Variants in SYT1 observed in about 807,000 individuals in gnomAD.
SYT1 encodes the protein synaptotagmin-1.
A neutral mutation model predicts 44.8 loss-of-function variants in SYT1; 8 were observed. The observed-to-expected ratio is 0.18, with a 90% CI of 0.10 to 0.32. SYT1 has a LOEUF of 0.32. Ranked by LOEUF, SYT1 falls within the 10% of genes least tolerant of loss-of-function variation. The pLI is 1.00. For missense variants in SYT1, 286 were observed against 509.3 expected (o/e 0.56, Z 4.22); for synonymous variants, 154 against 188.8 (o/e 0.82, Z 1.51).
intron 9 of SYT1, among the ~76,000 whole-genome samples, chr12:79,358,243 A>G (rs1357938164): frequency 6.6e-6 from 1 of 152,210 alleles, no homozygotes; most frequent in African/African-American, 2.4e-5. Context: ...CCGTTTAAAG[A>G]AGGAAACACT....
At chr12:79,147,560 T>A (rs541418193) in intron 3 of SYT1, among the ~76,000 whole-genome samples, 11 of 152,330 alleles carry the variant, frequency 7.2e-5, no homozygotes, top group African/African-American at 2.4e-4. Flanking sequence ...TTAAGTAGGC[T>A]TTGTGAGGTT....
Position 78,997,803 on chromosome 12 carries a change from C to T in SYT1, c.-84+19872C>T, listed in dbSNP as rs149408303. ...TCTAGCAGAGAACACTGCTGTTAAA[C>T]GAGGTATCCCCTCACCCAGCAGCCT... On this transcript the variant is annotated intron_variant, in intron 2 of 10. Transcript: ENST00000261205. 2.0e-3 allele frequency among the ~76,000 whole-genome samples: 306 copies of T among 152,086 alleles called. 2 individuals carry two copies. The highest frequency in any genetic ancestry group is 5.2e-3 in the African/African-American group (214 of 41,482).
At chr12:79,309,855 AT>A (rs1374738346) in intron 8 of SYT1, among the ~76,000 whole-genome samples, 1 of 152,054 alleles carries the variant, frequency 6.6e-6, no homozygotes, top group Non-Finnish European at 1.5e-5. Context: ...TAGTTTGGGG[AT>A]GGGGTTGTTT....
intron 3 of SYT1, among the ~76,000 whole-genome samples, chr12:79,170,543 T>G (rs1422750562): frequency 1.3e-5 from 2 of 152,062 alleles, no homozygotes; most frequent in Non-Finnish European, 2.9e-5. Context: ...TTTTATGGGA[T>G]TGTTTGTGGG....
rs567645911 is a variant in SYT1, at chr12:79,354,734, C to T, written c.928+1115C>T. ...AATTTGAAGCAAAGAGCACAGTGTT[C>T]TCTAGAAGTATAGAGTATTTAATGT... On this transcript the variant is annotated intron_variant, in intron 9 of 10. Coordinates refer to ENST00000261205, the MANE Select transcript of SYT1 (RefSeq NM_005639.3). Among the ~76,000 whole-genome samples, 11 of 152,292 alleles carry T rather than the reference C, an allele frequency of 7.2e-5. No homozygotes were observed. In the South Asian group the frequency reaches 2.3e-3, roughly 32 times the overall value.
chr12:79,404,668 G>A (rs889557885), intron 9 of SYT1, among the ~76,000 whole-genome samples: 1 of 152,172 alleles, frequency 6.6e-6, no homozygotes, highest in Non-Finnish European at 1.5e-5. Flanking sequence ...CTTGCGTAGC[G>A]TAGGTTTCAG....
chr12:79,389,482 G>C (rs911859601), intron 9 of SYT1, among the ~76,000 whole-genome samples: 2 of 152,152 alleles, frequency 1.3e-5, no homozygotes, highest in African/African-American at 4.8e-5. Context: ...ATTTTATAGA[G>C]AGTAGCCCAT....
At chr12:79,231,446 T>A (rs1253007863) in intron 4 of SYT1, among the ~76,000 whole-genome samples, 1 of 152,030 alleles carries the variant, frequency 6.6e-6, no homozygotes, top group Non-Finnish European at 1.5e-5. Context: ...AACCCTCTCC[T>A]TTTTTCTCTT....
At chr12:79,194,547 G>A (rs1030619365) in intron 3 of SYT1, among the ~76,000 whole-genome samples, 12 of 151,880 alleles carry the variant, frequency 7.9e-5, no homozygotes, top group East Asian at 7.7e-4. Flanking sequence ...CCCCTGCCTC[G>A]ACCTCCCAAA....
At chr12:79,358,147 T>C (rs1293198322) in intron 9 of SYT1, among the ~76,000 whole-genome samples, 1 of 152,202 alleles carries the variant, frequency 6.6e-6, no homozygotes, top group Non-Finnish European at 1.5e-5. Flanking sequence ...ACAGCTTTAA[T>C]GAGGAATGTC....
At chr12:79,394,257 T>G (rs1884784155) in intron 9 of SYT1, among the ~76,000 whole-genome samples, 1 of 152,166 alleles carries the variant, frequency 6.6e-6, no homozygotes, top group African/African-American at 2.4e-5. Context: ...TAACTTGAAT[T>G]GCAATGGACC....
chr12:79,231,780 G>A (rs1405478901), intron 4 of SYT1, among the ~76,000 whole-genome samples: 1 of 152,088 alleles, frequency 6.6e-6, no homozygotes, highest in Non-Finnish European at 1.5e-5. Flanking sequence ...TATTGCAGTG[G>A]ATTTAAAACA....
At chr12:79,236,301 T>G (rs1219427612) in intron 4 of SYT1, among the ~76,000 whole-genome samples, 1 of 152,196 alleles carries the variant, frequency 6.6e-6, no homozygotes, top group African/African-American at 2.4e-5. Context: ...AACCTCTCTA[T>G]AGTTTAACCC....
rs560020744 is a variant in SYT1, at chr12:79,349,216, A to C, written c.811-4286A>C. ...GGAAGGGGAAGGAAGGAACGATGGA[A>C]GGAAGGATCTAACTTGAGAGACATT... On this transcript the variant is annotated intron_variant, in intron 8 of 10. Coordinates refer to ENST00000261205, the MANE Select transcript of SYT1 (RefSeq NM_005639.3). Among the ~76,000 whole-genome samples the C allele has an allele frequency of 1.3e-5, 2 of 152,012 alleles. 1 individual carries two copies. The highest frequency in any genetic ancestry group is 4.1e-4 in the South Asian group (2 of 4,826).
chr12:79,290,073 A>G (rs1203755299), intron 5 of SYT1, among the ~76,000 whole-genome samples: 5 of 152,184 alleles, frequency 3.3e-5, no homozygotes, highest in African/African-American at 1.2e-4. Flanking sequence ...AACTTTCCAA[A>G]TTAAGTGGTT....
At chr12:79,219,264 A>T (rs1005135942) in intron 4 of SYT1, among the ~76,000 whole-genome samples, 1 of 151,912 alleles carries the variant, frequency 6.6e-6, no homozygotes, top group African/African-American at 2.4e-5. Flanking sequence ...CCCTTATCAG[A>T]TGTATAGTTT....
intron 3 of SYT1, among the ~76,000 whole-genome samples, chr12:79,130,081 T>C (rs779538070): frequency 6.6e-6 from 1 of 152,012 alleles, no homozygotes; most frequent in Non-Finnish European, 1.5e-5. Context: ...ACATGGAAAA[T>C]TTGCTAAGTT....
intron 3 of SYT1, among the ~76,000 whole-genome samples, chr12:79,082,415 A>C (rs1877095230): frequency 6.6e-6 from 1 of 152,166 alleles, no homozygotes; most frequent in African/African-American, 2.4e-5. Context: ...ATTTTTGTGC[A>C]CCTACTATAT....
At chr12:79,052,343 AC>A (rs1465200157) in intron 3 of SYT1, among the ~76,000 whole-genome samples, 1 of 152,124 alleles carries the variant, frequency 6.6e-6, no homozygotes, top group Non-Finnish European at 1.5e-5. Context: ...TACACCTTAT[AC>A]AAAAATTAAT....
Sources: gnomAD v4.1 joint callset for allele counts (sites outside exome capture counted in the v4.1 genomes callset) on GRCh38, gnomAD v4.1.1 for gene constraint, MANE v1.5 for transcripts, NCBI Gene and HGNC (gene_info 2026-07-23, HGNC 2026-07-21) for gene names.